The following DLGAP2 variants were observed in gnomAD, a reference collection of about 807,000 sequenced individuals.
DLGAP2 encodes the protein disks large-associated protein 2.
Under a neutral mutation model 100.3 loss-of-function variants are expected in DLGAP2, and 26 were observed. The ratio of observed to expected loss-of-function variants is 0.26; its 90% CI spans 0.19 to 0.36. DLGAP2 has a LOEUF of 0.36. Ranked by LOEUF, DLGAP2 falls within the 10% of genes least tolerant of loss-of-function variation. The pLI, the probability that DLGAP2 is intolerant of heterozygous loss-of-function variation, is 1.00. For synonymous variants in DLGAP2, 886 were observed against 630.1 expected, an observed-to-expected ratio of 1.41 and a Z score of -6.08; for missense variants, 1,858 against 1,453.2, an observed-to-expected ratio of 1.28 and a Z score of -4.53.
At chr8:1,364,324 C>T (rs535407498) in intron 3 of DLGAP2, among the ~76,000 whole-genome samples, 1 of 152,240 alleles carries the variant, frequency 6.6e-6, no homozygotes, top group African/African-American at 2.4e-5. Flanking sequence ...GGTGAGAGAA[C>T]CCAGACTCAG....
chr8:1,630,239 A>G (rs572630192), intron 7 of DLGAP2, among the ~76,000 whole-genome samples: 24 of 152,284 alleles, frequency 1.6e-4, no homozygotes, highest in African/African-American at 5.3e-4. Context: ...AGACTGTGTC[A>G]CACCCAGAAA....
At chr8:889,051 GT>G (rs1421029684) in intron 1 of DLGAP2, among the ~76,000 whole-genome samples, 5 of 152,170 alleles carry the variant, frequency 3.3e-5, no homozygotes, top group African/African-American at 9.7e-5. Context: ...TCAAAGGGGG[GT>G]TGTTCTCTGG....
chr8:1,415,013 G>C (rs543347145), intron 3 of DLGAP2, among the ~76,000 whole-genome samples: 7 of 150,082 alleles, frequency 4.7e-5, no homozygotes, highest in Non-Finnish European at 3.0e-5. Context: ...CGTCTCAAAA[G>C]AAAAAAAAAG....
intron 2 of DLGAP2, among the ~76,000 whole-genome samples, chr8:1,017,598 G>T: frequency 7.0e-6 from 1 of 142,936 alleles, no homozygotes; most frequent in South Asian, 2.1e-4. Flanking sequence ...CACTGTGTGT[G>T]ACCAGGACAG....
rs1014203433 is a variant in DLGAP2 at position 1,696,904 on chromosome 8, C to T, written c.2797-243C>T. On this transcript the variant is annotated intron_variant, in intron 13 of 14. Coordinates refer to ENST00000637795, the MANE Select transcript of DLGAP2 (RefSeq NM_001346810.2). ...AGAAACTCTCCCATCTGCCCCATTC[C>T]CAGCATTTTCAACGTGGAACAATGA... 2.0e-5 allele frequency among the ~76,000 whole-genome samples: 3 copies of T among 152,246 alleles called. No individual in the cohort carries two copies. In the South Asian group the frequency reaches 6.2e-4, roughly 31 times the overall value.
chr8:907,609 G>A (rs1798406370), intron 1 of DLGAP2, among the ~76,000 whole-genome samples: 1 of 152,094 alleles, frequency 6.6e-6, no homozygotes, highest in African/African-American at 2.4e-5. Context: ...CTTATTGTGG[G>A]AGCCCCTGGA....
intron 1 of DLGAP2, among the ~76,000 whole-genome samples, chr8:750,289 G>A (rs1820758042): frequency 1.3e-5 from 2 of 152,242 alleles, no homozygotes; most frequent in South Asian, 4.1e-4. Flanking sequence ...GGAGGTCAAG[G>A]CGATTGTGCA....
chr8:903,397 G>C (rs2128997887), intron 1 of DLGAP2, among the ~76,000 whole-genome samples: 1 of 152,190 alleles, frequency 6.6e-6, no homozygotes, highest in East Asian at 1.9e-4. Context: ...TGAAGGCTGT[G>C]ATGTCAGCTC....
At chr8:786,077 C>T (rs1336679098) in intron 1 of DLGAP2, among the ~76,000 whole-genome samples, 12 of 152,224 alleles carry the variant, frequency 7.9e-5, no homozygotes, top group Admixed American at 7.8e-4. Flanking sequence ...CCGCCGCCTC[C>T]GTAACCGGGA....
rs548144967 is a variant in DLGAP2, at chr8:1,393,033, C to T, written c.107-108333C>T. ...TCAGAACCTCCTTGTCCTCCTGAGT[C>T]GTGTATTGAGTGCTTACTGAGCGCC... On this transcript the variant is annotated intron_variant, in intron 3 of 14. Transcript: ENST00000637795. Among the ~76,000 whole-genome samples, 11 of 52,452 alleles carry T rather than the reference C, an allele frequency of 2.1e-4. No homozygotes were observed. In the East Asian group the frequency reaches 5.5e-3, roughly 26 times the overall value. 34.4% of individuals were successfully genotyped at this position (52,452 alleles called of 152,430 possible).
intron 6 of DLGAP2, among the ~76,000 whole-genome samples, chr8:1,609,964 C>A (rs1383867638): frequency 6.6e-6 from 1 of 151,356 alleles, no homozygotes; most frequent in African/African-American, 2.4e-5. Context: ...CCACTGTCAA[C>A]ATTAGACAGA....
intron 2 of DLGAP2, among the ~76,000 whole-genome samples, chr8:1,175,678 A>C (rs1461506949): frequency 6.6e-6 from 1 of 152,164 alleles, no homozygotes; most frequent in African/African-American, 2.4e-5. Context: ...GGTTTTGTCA[A>C]ACTTTTAGGG....
chr8:1,368,773 A>C lies in DLGAP2; in HGVS notation c.106+109890A>C, dbSNP rs536035578. The C allele has an allele frequency of 7.5e-4, 114 of 152,360 alleles. 1 individual carries two copies. Among genetic ancestry groups the C allele is most frequent in the African/African-American group, 2.6e-3 (110 of 41,586 alleles). The allele number at this position is 152,360 out of a possible 1,614,324, so 9.4% of individuals were successfully genotyped here. A position where few individuals can be genotyped will look rare whatever the true frequency, so the allele number is the denominator to read the frequency against. On this transcript the variant is annotated intron_variant, in intron 3 of 14. Transcript: ENST00000637795. The stretch of plus-strand genomic sequence containing the variant: ...CTGACTCCAGAAATACAGCCGCAGC[A>C]GCCCGTGCTGGCTTGAAATCCAAGG...
chr8:1,361,615 G>C (rs185880190), intron 3 of DLGAP2, among the ~76,000 whole-genome samples: 1 of 152,322 alleles, frequency 6.6e-6, no homozygotes, highest in East Asian at 1.9e-4. Flanking sequence ...TTAACTCACT[G>C]CATCGTTTAA....
intron 2 of DLGAP2, among the ~76,000 whole-genome samples, chr8:1,172,016 T>G (rs1478327012): frequency 3.3e-5 from 5 of 152,322 alleles, no homozygotes; most frequent in African/African-American, 1.2e-4. Flanking sequence ...TTGCAGTGGC[T>G]GGTACTGGTT....
intron 2 of DLGAP2, among the ~76,000 whole-genome samples, chr8:1,237,574 A>G (rs1442407185): frequency 0.015 from 1,900 of 129,722 alleles, 1 homozygote; most frequent in African/African-American, 0.061. Context: ...GTTCTCTCAC[A>G]TGGCACCGTG....
Position 1,632,831 on chromosome 8 carries a change from G to C in DLGAP2, c.1595G>C (p.Ser532Thr). ...LSQASCVSQV[S>T]EAEINGQFES... The stretch of plus-strand genomic sequence containing the variant: ...GTGTGCTGTTGATGATTGCAGGTGA[G>C]CGAGGCGGAGATCAATGGGCAATTC... Residue 532 changes from serine to threonine, a missense_variant, in exon 8 of 15, where the codon AGC becomes ACC. Coordinates refer to ENST00000637795, the MANE Select transcript of DLGAP2 (RefSeq NM_001346810.2). The C allele has an allele frequency of 6.2e-7, 1 of 1,605,950 alleles. No homozygotes were observed. Among genetic ancestry groups the C allele is most frequent in the Non-Finnish European group, 8.5e-7 (1 of 1,175,164 alleles).
intron 2 of DLGAP2, among the ~76,000 whole-genome samples, chr8:1,200,936 C>T (rs964425461): frequency 6.6e-6 from 1 of 152,210 alleles, no homozygotes; most frequent in Non-Finnish European, 1.5e-5. Flanking sequence ...GATTCAGCTC[C>T]AGGAGCGTGT....
At position 1,429,742 on chromosome 8, in the gene DLGAP2, C is replaced by G. The variant is rs535392132; in HGVS notation, c.107-71624C>G. Among the ~76,000 whole-genome samples, 5 of 151,668 alleles carry G rather than the reference C, an allele frequency of 3.3e-5. No individual in the cohort carries two copies. In the East Asian group the frequency reaches 7.8e-4, roughly 24 times the overall value. On this transcript the variant is annotated intron_variant, in intron 3 of 14. Coordinates refer to ENST00000637795, the MANE Select transcript of DLGAP2 (RefSeq NM_001346810.2). ...CAGACCTCTACTCCCCAGCTTCAAT[C>G]CCAGTGCTTTCCATTTACACATAGA...
Sources: allele counts gnomAD v4.1 joint callset (sites outside exome capture counted in the v4.1 genomes callset), GRCh38; gene constraint gnomAD v4.1.1; transcripts MANE v1.5; gene names NCBI Gene and HGNC (gene_info 2026-07-23, HGNC 2026-07-21).